ITPRID1: variants seen among roughly 807,000 people sequenced by gnomAD.
The protein encoded by ITPRID1 is ITPR interacting domain containing 1.
A neutral mutation model predicts 95.4 loss-of-function variants in ITPRID1; 96 were observed. The ratio of observed to expected loss-of-function variants is 1.01; its 90% CI spans 0.85 to 1.19. ITPRID1 has a LOEUF of 1.19. ITPRID1 is among the 50% of genes most tolerant of loss of function. The pLI, the probability that ITPRID1 is intolerant of heterozygous loss-of-function variation, is 0.00. For missense variants in ITPRID1, 1,339 were observed against 1,252.9 expected (o/e 1.07, Z -1.04); for synonymous variants, 510 against 453.6 (o/e 1.12, Z -1.58).
chr7:31,516,666 TTAGA>T (rs869241631), intron 1 of ITPRID1, among the ~76,000 whole-genome samples: 6 of 152,340 alleles, frequency 3.9e-5, no homozygotes, highest in South Asian at 4.1e-4. Context: ...TAGTACATGC[TTAGA>T]TAAACTCAAT....
chr7:31,637,041 C>T (rs1191351260), intron 10 of ITPRID1, among the ~76,000 whole-genome samples: 1 of 151,906 alleles, frequency 6.6e-6, no homozygotes, highest in South Asian at 2.1e-4. Context: ...CAGCTTCATC[C>T]ATGTCCCTAC....
intron 12 of ITPRID1, among the ~76,000 whole-genome samples, chr7:31,646,416 C>T (rs903534916): frequency 1.3e-5 from 2 of 152,260 alleles, no homozygotes; most frequent in East Asian, 3.9e-4. Flanking sequence ...AGAAGGATTG[C>T]AGCTTCTCCG....
At chr7:31,529,934 C>G in intron 1 of ITPRID1, 1 of 793,154 alleles carries the variant, frequency 1.3e-6, no homozygotes, top group Non-Finnish European at 2.0e-6. Context: ...GCAGCGATGG[C>G]GTGTTCTGAA....
intron 9 of ITPRID1, among the ~76,000 whole-genome samples, chr7:31,578,713 T>C (rs1785289022): frequency 6.6e-6 from 1 of 152,222 alleles, no homozygotes; most frequent in African/African-American, 2.4e-5. Flanking sequence ...AATTGTTTTA[T>C]GTACCTGTAT....
At chr7:31,603,876 T>C (rs567182096) in intron 10 of ITPRID1, among the ~76,000 whole-genome samples, 25 of 152,284 alleles carry the variant, frequency 1.6e-4, no homozygotes, top group Admixed American at 1.6e-3. Context: ...TCATCCATCT[T>C]TCAAGGTCTT....
intron 1 of ITPRID1, among the ~76,000 whole-genome samples, chr7:31,528,722 A>C (rs910351355): frequency 1.1e-4 from 16 of 152,166 alleles, no homozygotes; most frequent in Admixed American, 9.8e-4. Flanking sequence ...ATAGAGGAAG[A>C]GGAAAGAGTT....
chr7:31,560,235 G>T (rs1278576723), intron 5 of ITPRID1, among the ~76,000 whole-genome samples: 1 of 152,174 alleles, frequency 6.6e-6, no homozygotes, highest in African/African-American at 2.4e-5. Flanking sequence ...TGCCTGAATG[G>T]TTGCAGTTAA....
chr7:31,569,313 T>A (rs1784903248), intron 5 of ITPRID1, among the ~76,000 whole-genome samples: 1 of 152,182 alleles, frequency 6.6e-6, no homozygotes, highest in African/African-American at 2.4e-5. Flanking sequence ...ACTTCACAAC[T>A]TCCTGTACCA....
intron 12 of ITPRID1, among the ~76,000 whole-genome samples, chr7:31,646,251 A>C (rs1021997222): frequency 6.6e-6 from 1 of 152,232 alleles, no homozygotes; most frequent in Admixed American, 6.5e-5. Flanking sequence ...CCCAGAGAGC[A>C]TGACTGGTCA....
Position 31,570,463 on chromosome 7 carries a change from C to A in ITPRID1, c.308+654C>A, listed in dbSNP as rs1461198754. Among the ~76,000 whole-genome samples the A allele has an allele frequency of 1.3e-5, 2 of 152,168 alleles. 1 individual carries two copies. The highest frequency in any genetic ancestry group is 4.8e-5 in the African/African-American group (2 of 41,446). ...TGAGCTCTTTCAGGTTAGGAACTCC[C>A]CTTCCTGCGCTTTTGTCACCTTCGC... is the stretch of plus-strand genomic sequence containing the variant. On this transcript the variant is annotated intron_variant, in intron 6 of 14. Coordinates refer to ENST00000615280, the MANE Select transcript of ITPRID1 (RefSeq NM_001257967.3).
chr7:31,558,088 G>C (rs1784508971), intron 5 of ITPRID1, among the ~76,000 whole-genome samples: 1 of 151,980 alleles, frequency 6.6e-6, no homozygotes, highest in South Asian at 2.1e-4. Flanking sequence ...TATCACGGGA[G>C]TGGGCTCCTG....
At chr7:31,622,870 T>A (rs1285999329) in intron 10 of ITPRID1, among the ~76,000 whole-genome samples, 1 of 151,814 alleles carries the variant, frequency 6.6e-6, no homozygotes, top group Admixed American at 6.6e-5. Flanking sequence ...GCAAGACTAA[T>A]AAAGAAGAAA....
intron 10 of ITPRID1, among the ~76,000 whole-genome samples, chr7:31,622,031 G>A (rs1406837990): frequency 7.1e-6 from 1 of 141,106 alleles, no homozygotes; most frequent in East Asian, 2.1e-4. Context: ...ATGGTAAAGG[G>A]ATCAATTCAA....
chr7:31,595,327 G>A (rs1006210307), intron 10 of ITPRID1, among the ~76,000 whole-genome samples: 3 of 126,800 alleles, frequency 2.4e-5, no homozygotes, highest in Non-Finnish European at 5.2e-5. Context: ...TTACAGGTGT[G>A]AGCCACCATG....
chr7:31,578,579 G>T, intron 9 of ITPRID1, 145 bp downstream of exon 9: 1 of 602,032 alleles, frequency 1.7e-6, no homozygotes, highest in Non-Finnish European at 2.7e-6. Context: ...GTGATTTAAA[G>T]TCATTCTAGT....
At chr7:31,640,351 A>G (rs890875379) in intron 10 of ITPRID1, among the ~76,000 whole-genome samples, 2 of 152,122 alleles carry the variant, frequency 1.3e-5, no homozygotes, top group Non-Finnish European at 2.9e-5. Context: ...TGAGCTCATC[A>G]GTACTCAGCT....
intron 2 of ITPRID1, 126 bp from the exon 3 acceptor site, chr7:31,552,876 G>A (rs574759987): frequency 3.0e-6 from 3 of 999,090 alleles, no homozygotes; most frequent in East Asian, 5.3e-5. Flanking sequence ...CCAGGTTCAT[G>A]TATGACTGTG....
At position 31,553,119 on chromosome 7, in the gene ITPRID1, C is replaced by A. The variant is rs7811042; in HGVS notation, c.95C>A (p.Ala32Asp). 1,029,509 of 1,596,626 alleles carry A rather than the reference C, an allele frequency of 0.64. 337,503 individuals carry two copies. Among genetic ancestry groups the A allele is most frequent in the Non-Finnish European group, 0.68 (796,773 of 1,170,966 alleles). ...CTGAAGTGCACCAAAAGCGCGTGGG[C>A]TCCGCTGGATGAGTGGCTGCCCCCT... ...EILKCTKSAW[A>D]PLDEWLPPDP... is the part of the protein sequence containing the mutation. The change falls in exon 3 of 15, where the codon GCT becomes GAT. Residue 32 changes from alanine (A) to aspartate (D), a missense_variant. By Grantham distance (126) the Ala-to-Asp change is moderately radical. Coordinates refer to ENST00000615280, the MANE Select transcript of ITPRID1 (RefSeq NM_001257967.3).
At chr7:31,565,718 A>G (rs1784776305) in intron 5 of ITPRID1, among the ~76,000 whole-genome samples, 1 of 144,784 alleles carries the variant, frequency 6.9e-6, no homozygotes, top group South Asian at 2.2e-4. Flanking sequence ...AGCCTGGGTG[A>G]CAGAGCAAGA....
Sources: allele counts gnomAD v4.1 joint callset (sites outside exome capture counted in the v4.1 genomes callset), GRCh38; gene constraint gnomAD v4.1.1; transcripts MANE v1.5; gene names NCBI Gene and HGNC (gene_info 2026-07-23, HGNC 2026-07-21).